GOLGA3: variants seen among roughly 807,000 people sequenced by gnomAD.
GOLGA3 encodes golgin A3, also known as golgin subfamily A member 3.
Under a neutral mutation model 169.4 loss-of-function variants are expected in GOLGA3, and 75 were observed. The ratio of observed to expected loss-of-function variants is 0.44; its 90% CI spans 0.37 to 0.54. The LOEUF (loss-of-function observed/expected upper bound fraction) is 0.54. Ranked by LOEUF, GOLGA3 falls within the 20% of genes least tolerant of loss-of-function variation. The probability of loss-of-function intolerance (pLI) is 0.00; values close to 1 mark genes in which losing one functional copy is unlikely to be tolerated. For synonymous variants in GOLGA3, 824 were observed against 822.4 expected, an observed-to-expected ratio of 1.00 and a Z score of -0.03; for missense variants, 1,899 against 1,930.0, an observed-to-expected ratio of 0.98 and a Z score of 0.30.
chr12:132,816,310 G>A (rs1262998227), intron 3 of GOLGA3, among the ~76,000 whole-genome samples: 2 of 152,226 alleles, frequency 1.3e-5, no homozygotes, highest in African/African-American at 2.4e-5. Context: ...ACGCAAAAGC[G>A]TCAGCACTGC....
intron 22 of GOLGA3, chr12:132,774,800 G>C (rs2045130267): frequency 4.3e-6 from 2 of 469,706 alleles, no homozygotes; most frequent in Non-Finnish European, 7.5e-6. Flanking sequence ...TGTGGACCGA[G>C]CACAGAAAAC....
chr12:132,808,629 C>G (rs2136619887), intron 4 of GOLGA3, 80 bp from the exon 5 acceptor site: 1 of 1,102,860 alleles, frequency 9.1e-7, no homozygotes. Flanking sequence ...AGAAAGGTGG[C>G]ACCGATCACT....
chr12:132,819,432 G>A (rs1256661880), intron 2 of GOLGA3, among the ~76,000 whole-genome samples: 2 of 152,204 alleles, frequency 1.3e-5, no homozygotes, highest in African/African-American at 2.4e-5. Flanking sequence ...GGGAGGCTGA[G>A]GCAGAAGAAT....
chr12:132,784,263 A>G lies in GOLGA3; in HGVS notation c.3168T>C (p.His1056=). The change falls in exon 16 of 24, where the codon CAT becomes CAC. Residue 1056 remains histidine, a synonymous_variant. Coordinates refer to ENST00000450791, the MANE Select transcript of GOLGA3 (RefSeq NM_001389683.1). ...GTTCCTTTTCCAGCAGCGTCTTGCT[A>G]TGACTGACAGCCTGCAGCTCCGCCT... is the stretch of plus-strand genomic sequence containing the variant. The part of the protein sequence containing the change: ...ALEAELQAVS[H]SKTLLEKELQ... 6.2e-7 allele frequency: 1 copy of G among 1,610,814 alleles called. No individual in the cohort carries two copies. The highest frequency in any genetic ancestry group is 8.5e-7 in the Non-Finnish European group (1 of 1,179,984).
At chr12:132,813,451 A>C in intron 3 of GOLGA3, 32 bp from the exon 4 acceptor site, 22 of 1,205,530 alleles carry the variant, frequency 1.8e-5, no homozygotes, top group Non-Finnish European at 2.6e-5. Flanking sequence ...TTGGAAACTC[A>C]TAAAATACCA....
In GOLGA3 at chr12:132,801,774, TG is replaced by T; in HGVS notation, c.1792del (p.His598ThrfsTer7). 1 of 1,612,244 alleles carries T rather than the reference TG, an allele frequency of 6.2e-7. No homozygotes were observed. Among genetic ancestry groups the T allele is most frequent in the Non-Finnish European group, 8.5e-7 (1 of 1,179,876 alleles). The part of the protein sequence containing the change: ...ARVRLQGEMA[H>X]IQVGQMTQAG... ...GGTAGATGTGGGCCGTACCTGGATGTGGGCCATCTCACCCTGCAGCCTGACG... is the reference window on the plus strand; with the variant it reads ...GGTAGATGTGGGCCGTACCTGGATGTGGCCATCTCACCCTGCAGCCTGACG... On this transcript the variant is annotated frameshift_variant, in exon 8 of 24. Transcript: ENST00000450791. LOFTEE classifies it high-confidence loss of function.
rs201054699 is a variant in GOLGA3 at position 132,776,643 on chromosome 12, C to T, written c.3969G>A (p.Gln1323=). ...QGRKELEGLQ[Q]LLQNVKSELE... ...CCTCACACACAGGTACCTGCAGCAG[C>T]TGCTGTAGCCCTTCCAGTTCCTTCC... is the stretch of plus-strand genomic sequence containing the variant. Residue 1323 remains glutamine, a synonymous_variant, in exon 21 of 24, where the codon CAG becomes CAA. Coordinates refer to ENST00000450791, the MANE Select transcript of GOLGA3 (RefSeq NM_001389683.1). The T allele has an allele frequency of 6.2e-7, 1 of 1,610,690 alleles. No individual in the cohort carries two copies.
In GOLGA3 at chr12:132,796,059, C is replaced by T; in HGVS notation, c.2262G>A (p.Leu754=). 2 of 1,612,766 alleles carry T rather than the reference C, an allele frequency of 1.2e-6. No homozygotes were observed. The highest frequency in any genetic ancestry group is 1.7e-6 in the Non-Finnish European group (2 of 1,179,960). Residue 754 remains leucine, a synonymous_variant, in exon 11 of 24, where the codon CTG becomes CTA. Transcript: ENST00000450791. The part of the protein sequence containing the change: ...QTHYDELQAR[L]GELQGEAASR... Reference sequence around the variant, plus strand: ...AGGCGGCCTCGCCCTGCAGCTCCCCCAGCCTGGCCTGCAGCTCATCGTAGT... The same window carrying T: ...AGGCGGCCTCGCCCTGCAGCTCCCCTAGCCTGGCCTGCAGCTCATCGTAGT...
intron 13 of GOLGA3, 118 bp downstream of exon 13, chr12:132,788,909 C>CACCCCA (rs1263923944): frequency 5.6e-6 from 3 of 538,706 alleles, no homozygotes; most frequent in African/African-American, 1.9e-5. Flanking sequence ...ACACAGGCCC[C>CACCCCA]GACCCAGACA....
At chr12:132,807,437 C>G in intron 5 of GOLGA3, 149 bp from the exon 6 acceptor site, 1 of 535,440 alleles carries the variant, frequency 1.9e-6, no homozygotes, top group East Asian at 3.0e-5. Flanking sequence ...CTGAGGCTTG[C>G]ATGATGCACG....
chr12:132,813,287 T>A lies in GOLGA3; in HGVS notation c.519+20A>T, dbSNP rs767328972. The A allele has an allele frequency of 3.3e-6, 5 of 1,508,792 alleles. No individual in the cohort carries two copies. The South Asian group carries it at 4.5e-5, about 14-fold the overall frequency. 93.5% of individuals were successfully genotyped at this position (1,508,792 alleles called of 1,614,324 possible). A position where few individuals can be genotyped will look rare whatever the true frequency, so the allele number is the denominator to read the frequency against. On this transcript the variant is annotated intron_variant, in intron 4 of 23. Transcript: ENST00000450791. ...GCACAGGAAGCTTTCCATGAGCTTG[T>A]TCGGGAGAGGGAGACTCACCCTCTC... is the stretch of plus-strand genomic sequence containing the variant.
Position 132,791,300 on chromosome 12 carries a change from G to A in GOLGA3, c.2470-7C>T. Reference sequence around the variant, plus strand: ...CCTGCTGCAGGTGTTCCACCTGTGGGAGACATGTGCACAGACATTACACTG... The same window carrying A: ...CCTGCTGCAGGTGTTCCACCTGTGGAAGACATGTGCACAGACATTACACTG... On this transcript the variant is annotated splice_region_variant and splice_polypyrimidine_tract_variant and intron_variant, in intron 11 of 23. Coordinates refer to ENST00000450791, the MANE Select transcript of GOLGA3 (RefSeq NM_001389683.1). 6.4e-7 allele frequency: 1 copy of A among 1,569,008 alleles called. No individual in the cohort carries two copies. Among genetic ancestry groups the A allele is most frequent in the Non-Finnish European group, 8.8e-7 (1 of 1,141,998 alleles).
At position 132,808,031 on chromosome 12, in the gene GOLGA3, G is replaced by T; in HGVS notation, c.1038C>A (p.Asn346Lys). The T allele has an allele frequency of 6.2e-7, 1 of 1,608,724 alleles. No homozygotes were observed. Among genetic ancestry groups the T allele is most frequent in the Non-Finnish European group, 8.5e-7 (1 of 1,177,190 alleles). The change falls in exon 5 of 24, where the codon AAC becomes AAA. Residue 346 changes from asparagine to lysine, a missense_variant. Physicochemically the swap from Asn to Lys is moderately conservative, Grantham distance 94. Coordinates refer to ENST00000450791, the MANE Select transcript of GOLGA3 (RefSeq NM_001389683.1). ...GGGTATCCGCAGGAATCTCCTGGCC[G>T]TTGACCATATAGGGGGTGTCCTGCG... ...VGTQDTPYMV[N>K]GQEIPADTLG...
intron 18 of GOLGA3, among the ~76,000 whole-genome samples, chr12:132,779,913 GC>G (rs1170702013): frequency 1.8e-5 from 2 of 110,378 alleles, no homozygotes; most frequent in African/African-American, 6.9e-5. Context: ...TGCACGCACA[GC>G]CCCCCGCATG....
intron 11 of GOLGA3, among the ~76,000 whole-genome samples, chr12:132,794,775 CT>C (rs1948746209): frequency 6.6e-6 from 1 of 152,198 alleles, no homozygotes; most frequent in Admixed American, 6.5e-5. Context: ...CAGTAATGAC[CT>C]GTCTGAGTGC....
rs1555247680 is a variant in GOLGA3, at chr12:132,772,552, A to AAAC, written c.*552_*553insGTT. On this transcript the variant is annotated 3_prime_UTR_variant, in exon 24 of 24. Transcript: ENST00000450791. ...AAGCGAGACTCTGTCTCAAAAAAAAAAAAAAAAAAAAAACAAAGATTGGAT... is the reference window on the plus strand; with the variant it reads ...AAGCGAGACTCTGTCTCAAAAAAAAAAACAAAAAAAAAAAAACAAAGATTGGAT... The AAAC allele has an allele frequency of 2.6e-5, 4 of 151,738 alleles. No homozygotes were observed. The highest frequency in any genetic ancestry group is 2.0e-4 in the Admixed American group (3 of 15,242). The allele number at this position is 151,738 out of a possible 1,614,324, so 9.4% of individuals were successfully genotyped here. A position where few individuals can be genotyped will look rare whatever the true frequency, so the allele number is the denominator to read the frequency against.
chr12:132,796,364 C>A, intron 10 of GOLGA3, 144 bp from the exon 11 acceptor site: 2 of 1,219,456 alleles, frequency 1.6e-6, no homozygotes, highest in African/African-American at 3.0e-5. Context: ...GAAGAACCAG[C>A]AGGGCAAACA....
intron 2 of GOLGA3, among the ~76,000 whole-genome samples, chr12:132,820,486 T>G (rs888578468): frequency 6.6e-6 from 1 of 152,196 alleles, no homozygotes; most frequent in Non-Finnish European, 1.5e-5. Flanking sequence ...ATCTTGGGCC[T>G]CTAAGTTGTT....
At position 132,816,554 on chromosome 12, in the gene GOLGA3, T is replaced by G. The variant is rs756597208; in HGVS notation, c.392A>C (p.Gln131Pro). ...CGGATGCTTACACAGTTGCGTTTCT[T>G]GCATAGGAAGACTGAGTCTGAGAGA... Reference protein sequence around the residue: ...LQSLRLSLPMQETQLCSTDSP... With the variant: ...LQSLRLSLPMPETQLCSTDSP... The change falls in exon 3 of 24, where the codon CAA (glutamine) becomes CCA (proline). Residue 131 changes from glutamine (Q) to proline (P), a missense_variant. Gln to Pro is a moderately conservative substitution (Grantham distance 76). Coordinates refer to ENST00000450791, the MANE Select transcript of GOLGA3 (RefSeq NM_001389683.1). 1 of 1,612,986 alleles carries G rather than the reference T, an allele frequency of 6.2e-7. No individual in the cohort carries two copies. The highest frequency in any genetic ancestry group is 2.2e-5 in the East Asian group (1 of 44,856).
Sources: gnomAD v4.1 joint callset for allele counts (sites outside exome capture counted in the v4.1 genomes callset) on GRCh38, gnomAD v4.1.1 for gene constraint, MANE v1.5 for transcripts, NCBI Gene and HGNC (gene_info 2026-07-23, HGNC 2026-07-21) for gene names.